Variants in BTBD9 observed in about 807,000 individuals in gnomAD.
The protein encoded by BTBD9 is BTB domain containing 9.
BTBD9 carries 49 observed loss-of-function variants against 64.3 expected under a neutral mutation model. The observed-to-expected ratio is 0.76, with a 90% confidence interval of 0.61 to 0.97. The LOEUF (loss-of-function observed/expected upper bound fraction) is 0.97. Among genes scored for constraint, BTBD9 ranks in the 50% least tolerant of loss-of-function variants. BTBD9 has a pLI of 0.00. For missense variants in BTBD9, 598 were observed against 762.1 expected (o/e 0.78, Z 2.53); for synonymous variants, 260 against 274.7 (o/e 0.95, Z 0.53).
intron 6 of BTBD9, among the ~76,000 whole-genome samples, chr6:38,510,384 T>C (rs915413632): frequency 2.6e-5 from 4 of 152,176 alleles, no homozygotes; most frequent in African/African-American, 9.7e-5. Context: ...TGAACAGAGC[T>C]TGTAGGAATG....
chr6:38,436,873 A>G (rs2127303564), intron 6 of BTBD9, among the ~76,000 whole-genome samples: 1 of 152,330 alleles, frequency 6.6e-6, no homozygotes. Context: ...AGTATCTGTA[A>G]ACAGGAAGTG....
chr6:38,303,905 GTA>G (rs1412924026), intron 7 of BTBD9, among the ~76,000 whole-genome samples: 8 of 121,856 alleles, frequency 6.6e-5, no homozygotes, highest in African/African-American at 2.6e-4. Context: ...ATATATACGT[GTA>G]TATATGTGTA....
At chr6:38,436,079 G>C (rs996521915) in intron 6 of BTBD9, among the ~76,000 whole-genome samples, 1 of 151,820 alleles carries the variant, frequency 6.6e-6, no homozygotes, top group African/African-American at 2.4e-5. Flanking sequence ...AATTCCTTAA[G>C]TATCCTGAAA....
At chr6:38,604,937 C>T (rs1163266375) in intron 1 of BTBD9, among the ~76,000 whole-genome samples, 1 of 152,154 alleles carries the variant, frequency 6.6e-6, no homozygotes, top group African/African-American at 2.4e-5. Flanking sequence ...GGCTCAAGTG[C>T]TTTTCCCGCC....
intron 6 of BTBD9, among the ~76,000 whole-genome samples, chr6:38,411,968 CACACACACATACATATATATGT>C (rs1161847000): frequency 1.3e-5 from 2 of 151,838 alleles, no homozygotes; most frequent in African/African-American, 2.4e-5. Flanking sequence ...CACACATATA[CACACACACATACATATATATGT>C]ACACACACAT....
intron 3 of BTBD9, 121 bp from the exon 4 acceptor site, chr6:38,592,961 C>T: frequency 1.0e-6 from 1 of 1,000,672 alleles, no homozygotes; most frequent in East Asian, 2.6e-5. Context: ...CCCTCTCCTT[C>T]CCTTATGCTT....
At chr6:38,538,823 G>C (rs1774141366) in intron 6 of BTBD9, among the ~76,000 whole-genome samples, 1 of 150,532 alleles carries the variant, frequency 6.6e-6, no homozygotes, top group African/African-American at 2.4e-5. Context: ...TTGCTCTGTA[G>C]CTGAGGCTAG....
At chr6:38,516,738 T>C (rs559349982) in intron 6 of BTBD9, among the ~76,000 whole-genome samples, 1 of 152,282 alleles carries the variant, frequency 6.6e-6, no homozygotes, top group African/African-American at 2.4e-5. Flanking sequence ...GTAGTATCTA[T>C]TAAGCAGTCA....
intron 6 of BTBD9, among the ~76,000 whole-genome samples, chr6:38,386,805 C>T (rs769463111): frequency 2.0e-5 from 3 of 151,738 alleles, no homozygotes; most frequent in Non-Finnish European, 4.4e-5. Flanking sequence ...CAACATCCAG[C>T]CAATTTTTAT....
chr6:38,579,501 C>T (rs981799573), intron 5 of BTBD9, among the ~76,000 whole-genome samples: 1 of 152,202 alleles, frequency 6.6e-6, no homozygotes, highest in African/African-American at 2.4e-5. Flanking sequence ...TGGGTGAAAG[C>T]ATCACAGTGG....
intron 9 of BTBD9, among the ~76,000 whole-genome samples, chr6:38,199,875 G>A (rs1015190410): frequency 6.6e-6 from 1 of 152,356 alleles, no homozygotes; most frequent in South Asian, 2.1e-4. Flanking sequence ...GGGGAATGGG[G>A]GCAAGAAAAG....
chr6:38,374,284 T>TATATATATATATACAC lies in BTBD9; in HGVS notation c.1155-29192_1155-29191insGTGTATATATATATAT, dbSNP rs1491511837. ...GCCTTGTGTCGAAAAAAAAAAAAAG[T>TATATATATATATACAC]ATATATATATATGTATATATATGTA... is the stretch of plus-strand genomic sequence containing the variant. On this transcript the variant is annotated intron_variant, in intron 6 of 10. Coordinates refer to ENST00000481247, the MANE Select transcript of BTBD9 (RefSeq NM_001099272.2). Among the ~76,000 whole-genome samples, 48 of 58,174 alleles carry TATATATATATATACAC rather than the reference T, an allele frequency of 8.3e-4. 2 individuals carry two copies. In the African/African-American group the frequency reaches 8.5e-3, roughly 10 times the overall value. 38.2% of individuals were successfully genotyped at this position (58,174 alleles called of 152,430 possible).
At chr6:38,186,079 G>A (rs1761805895) in intron 10 of BTBD9, among the ~76,000 whole-genome samples, 1 of 152,198 alleles carries the variant, frequency 6.6e-6, no homozygotes, top group Admixed American at 6.5e-5. Flanking sequence ...TAGGGTGAAT[G>A]TGTGCATATG....
At chr6:38,317,364 C>G (rs1763065992) in intron 7 of BTBD9, among the ~76,000 whole-genome samples, 2 of 152,186 alleles carry the variant, frequency 1.3e-5, no homozygotes, top group South Asian at 4.1e-4. Flanking sequence ...AGGTCTGCTG[C>G]CAGACATACT....
rs1287415731 is a variant in BTBD9, at chr6:38,506,610, A to G, written c.1154+70990T>C. On this transcript the variant is annotated intron_variant, in intron 6 of 10. Transcript: ENST00000481247. Reference sequence around the variant, plus strand: ...GTAACACCAAAACTTCCTAAGCTGAACCATTGTAAACTGGAGACTATCTGT... The same window carrying G: ...GTAACACCAAAACTTCCTAAGCTGAGCCATTGTAAACTGGAGACTATCTGT... 2.0e-5 allele frequency among the ~76,000 whole-genome samples: 3 copies of G among 152,192 alleles called. No homozygotes were observed. The East Asian group carries it at 5.8e-4, about 29-fold the overall frequency.
At chr6:38,527,679 C>T (rs922756355) in intron 6 of BTBD9, among the ~76,000 whole-genome samples, 1 of 151,994 alleles carries the variant, frequency 6.6e-6, no homozygotes, top group Non-Finnish European at 1.5e-5. Context: ...AGTATCTTTA[C>T]AGCAGTGTGA....
chr6:38,342,249 T>C (rs1210639448), intron 7 of BTBD9, among the ~76,000 whole-genome samples: 1 of 151,946 alleles, frequency 6.6e-6, no homozygotes, highest in Admixed American at 6.6e-5. Context: ...AAGGTAGGAT[T>C]TGAGGGCCGG....
chr6:38,467,366 G>C (rs1770442410), intron 6 of BTBD9, among the ~76,000 whole-genome samples: 1 of 152,154 alleles, frequency 6.6e-6, no homozygotes, highest in African/African-American at 2.4e-5. Flanking sequence ...TTCTGAATTT[G>C]TGTTCTGTTA....
chr6:38,357,415 T>G (rs1206293808), intron 6 of BTBD9, among the ~76,000 whole-genome samples: 1 of 152,196 alleles, frequency 6.6e-6, no homozygotes, highest in Non-Finnish European at 1.5e-5. Context: ...GGTTTACACC[T>G]AAAAGAAAAT....
Sources: allele counts gnomAD v4.1 joint callset (sites outside exome capture counted in the v4.1 genomes callset), GRCh38; gene constraint gnomAD v4.1.1; transcripts MANE v1.5; gene names NCBI Gene and HGNC (gene_info 2026-07-23, HGNC 2026-07-21).